Variants in DARS2 observed in about 807,000 individuals in gnomAD.
The protein encoded by DARS2 is aspartate--tRNA ligase, mitochondrial.
DARS2 carries 63 observed loss-of-function variants against 83.0 expected under a neutral mutation model. The ratio of observed to expected loss-of-function variants is 0.76; its 90% CI spans 0.62 to 0.94. The LOEUF is 0.94. DARS2 is among the 40% of genes least tolerant of loss of function. The pLI, the probability that DARS2 is intolerant of heterozygous loss-of-function variation, is 0.00. For synonymous variants in DARS2, 250 were observed against 269.3 expected (o/e 0.93, Z 0.70); for missense variants, 675 against 774.4 (o/e 0.87, Z 1.52).
chr1:173,836,505 C>T (rs1181650838), intron 7 of DARS2, among the ~76,000 whole-genome samples: 9 of 148,206 alleles, frequency 6.1e-5, no homozygotes, highest in African/African-American at 1.0e-4. Context: ...ATTGTGCCAT[C>T]GCACTCCAGC....
chr1:173,838,396 G>A (rs1653085571), intron 9 of DARS2, 137 bp downstream of exon 9: 3 of 667,540 alleles, frequency 4.5e-6, no homozygotes, highest in African/African-American at 1.9e-5. Context: ...CTCACCTGCA[G>A]TTGAGAAACT....
At chr1:173,853,288 G>A in intron 13 of DARS2, 61 bp from the exon 14 acceptor site, 1 of 1,536,028 alleles carries the variant, frequency 6.5e-7, no homozygotes, top group Non-Finnish European at 9.0e-7. Flanking sequence ...AATCCAGGCT[G>A]TGTCATTTCC....
chr1:173,836,862 TCTA>T (rs1653023144), intron 7 of DARS2, 75 bp from the exon 8 acceptor site: 4 of 1,163,118 alleles, frequency 3.4e-6, no homozygotes, highest in East Asian at 4.7e-5. Context: ...AGTAACAACT[TCTA>T]CTAGTTAGTT....
At chr1:173,831,472 A>T in intron 4 of DARS2, 63 bp from the exon 5 acceptor site, 1 of 1,152,010 alleles carries the variant, frequency 8.7e-7, no homozygotes, top group Admixed American at 1.7e-5. Flanking sequence ...AGATTCTACA[A>T]ATGTGTATTT....
chr1:173,837,843 G>A (rs985914288), intron 8 of DARS2, among the ~76,000 whole-genome samples: 2 of 151,390 alleles, frequency 1.3e-5, no homozygotes, highest in Admixed American at 6.6e-5. Flanking sequence ...GCGCAATCTC[G>A]GCTCACTGCA....
intron 15 of DARS2, 90 bp from the exon 16 acceptor site, chr1:173,856,576 C>T: frequency 8.4e-7 from 1 of 1,191,538 alleles, no homozygotes; most frequent in South Asian, 1.3e-5. Context: ...TAAAACTCAA[C>T]TTTGTTTCCC....
At chr1:173,833,576 T>C (rs1197593126) in intron 6 of DARS2, 77 bp downstream of exon 6, 1 of 1,574,982 alleles carries the variant, frequency 6.3e-7, no homozygotes, top group African/African-American at 1.3e-5. Context: ...ATTGTATCCT[T>C]TCCTTAGCAT....
At position 173,834,461 on chromosome 1, in the gene DARS2, C is replaced by T. The variant is rs756630728; in HGVS notation, c.617-12C>T. 2.5e-6 allele frequency: 4 copies of T among 1,598,866 alleles called. No individual in the cohort carries two copies. In the African/African-American group the frequency reaches 4.0e-5, roughly 16 times the overall value. The stretch of plus-strand genomic sequence containing the variant: ...TCCTATCTACTAAGTGATAATGTTT[C>T]TCTCTTTTTAGGGTTTGTGGATATA... On this transcript the variant is annotated splice_polypyrimidine_tract_variant and intron_variant, in intron 6 of 16. Transcript: ENST00000649689.
At chr1:173,849,351 T>C (rs1653559347) in intron 12 of DARS2, among the ~76,000 whole-genome samples, 2 of 151,786 alleles carry the variant, frequency 1.3e-5, no homozygotes, top group South Asian at 2.1e-4. Context: ...CTGGCCAACA[T>C]AGTGAAACCC....
At chr1:173,838,798 C>T (rs943486936) in intron 9 of DARS2, among the ~76,000 whole-genome samples, 2 of 152,022 alleles carry the variant, frequency 1.3e-5, no homozygotes, top group East Asian at 1.9e-4. Flanking sequence ...TGCAGTGGCG[C>T]GGTCTCAGCT....
chr1:173,853,320 A>T (rs1321566687), intron 13 of DARS2, 29 bp from the exon 14 acceptor site: 1 of 1,605,154 alleles, frequency 6.2e-7, no homozygotes, highest in African/African-American at 1.3e-5. Flanking sequence ...TCAAGAAGTT[A>T]ACTCAATGTT....
chr1:173,835,037 C>T (rs919683616), intron 7 of DARS2, among the ~76,000 whole-genome samples: 1 of 151,820 alleles, frequency 6.6e-6, no homozygotes, highest in Non-Finnish European at 1.5e-5. Context: ...ACACCTTGGC[C>T]TCCCAAAGTG....
intron 3 of DARS2, 78 bp from the exon 4 acceptor site, chr1:173,830,581 TA>T: frequency 1.7e-6 from 2 of 1,210,464 alleles, no homozygotes; most frequent in Non-Finnish European, 2.5e-6. Flanking sequence ...TAACGTTTTT[TA>T]AACCATCTAC....
intron 1 of DARS2, among the ~76,000 whole-genome samples, chr1:173,825,938 T>C (rs2102631946): frequency 6.6e-6 from 1 of 150,528 alleles, no homozygotes; most frequent in East Asian, 2.0e-4. Context: ...AAAATCCTTC[T>C]TCGGCCGGGC....
intron 12 of DARS2, among the ~76,000 whole-genome samples, chr1:173,847,721 CTTTT>C (rs977874151): frequency 6.6e-6 from 1 of 150,746 alleles, no homozygotes; most frequent in African/African-American, 2.4e-5. Flanking sequence ...TCTCTACATA[CTTTT>C]TTTTTCTTTT....
rs374131923 is a variant in DARS2, at chr1:173,853,384, T to C, written c.1380T>C (p.Ala460=). 2.6e-5 allele frequency: 42 copies of C among 1,613,938 alleles called. No individual in the cohort carries two copies. The highest frequency in any genetic ancestry group is 3.5e-5 in the Non-Finnish European group (41 of 1,180,036). The change falls in exon 14 of 17, where the codon GCT becomes GCC. Residue 460 remains alanine, a synonymous_variant. Transcript: ENST00000649689. Reference sequence around the variant, plus strand: ...TAGGAAAATTACGACTGGAATGTGCTGACCTTCTAGAAACAAGAGGAGTGG... The same window carrying C: ...TAGGAAAATTACGACTGGAATGTGCCGACCTTCTAGAAACAAGAGGAGTGG... The part of the protein sequence containing the change: ...SLLGKLRLEC[A]DLLETRGVVL...
In DARS2 at chr1:173,852,935, G is replaced by A. The variant is rs971365557; in HGVS notation, c.1345-414G>A. On this transcript the variant is annotated intron_variant, in intron 13 of 16. Transcript: ENST00000649689. ...AGAGAAGTGAGGAAATAATCAGAAC[G>A]ACTACCACTCACATACTTTGTCAGG... Among the ~76,000 whole-genome samples, 21 of 152,204 alleles carry A rather than the reference G, an allele frequency of 1.4e-4. No individual in the cohort carries two copies. In the East Asian group the frequency reaches 3.7e-3, roughly 27 times the overall value.
intron 13 of DARS2, among the ~76,000 whole-genome samples, chr1:173,851,530 A>G (rs976823530): frequency 1.3e-5 from 2 of 152,144 alleles, no homozygotes; most frequent in Non-Finnish European, 2.9e-5. Context: ...ACTTGGTCAA[A>G]GTGGGACCCT....
chr1:173,842,504 T>C (rs1350758582), intron 11 of DARS2, among the ~76,000 whole-genome samples: 2 of 150,140 alleles, frequency 1.3e-5, no homozygotes, highest in African/African-American at 2.4e-5. Flanking sequence ...AGTTTCACCA[T>C]GTTAGCCAGG....
Sources: gnomAD v4.1 joint callset for allele counts (sites outside exome capture counted in the v4.1 genomes callset) on GRCh38, gnomAD v4.1.1 for gene constraint, MANE v1.5 for transcripts, NCBI Gene and HGNC (gene_info 2026-07-23, HGNC 2026-07-21) for gene names.